The following MMS22L variants were observed in gnomAD, a reference collection of about 807,000 sequenced individuals.
MMS22L encodes the protein MMS22 like, DNA repair protein, also known as protein MMS22-like.
MMS22L carries 74 observed loss-of-function variants against 159.1 expected under a neutral mutation model. The ratio of observed to expected loss-of-function variants is 0.47; its 90% confidence interval spans 0.39 to 0.56. The LOEUF is 0.56. MMS22L is among the 20% of genes least tolerant of loss of function. The pLI, the probability that MMS22L is intolerant of heterozygous loss-of-function variation, is 0.00. For missense variants in MMS22L, 1,351 were observed against 1,422.1 expected (o/e 0.95, Z 0.80); for synonymous variants, 517 against 506.9 (o/e 1.02, Z -0.27).
rs540904562 is a variant in MMS22L at position 97,145,995 on chromosome 6, A to G, written c.*811T>C. On this transcript the variant is annotated 3_prime_UTR_variant, in exon 25 of 25. Transcript: ENST00000683635. ...GAAGCTCTGGCTAAAGAGCAAGAAG[A>G]TGGATCAGCTGACTTCTCAGACCAC... 1 of 152,246 alleles carries G rather than the reference A, an allele frequency of 6.6e-6. No individual in the cohort carries two copies. The highest frequency in any genetic ancestry group is 1.9e-4 in the East Asian group (1 of 5,180). 9.4% of individuals were successfully genotyped at this position (152,246 alleles called of 1,614,324 possible).
At chr6:97,227,844 T>C (rs1008428876) in intron 14 of MMS22L, among the ~76,000 whole-genome samples, 1 of 152,230 alleles carries the variant, frequency 6.6e-6, no homozygotes, top group East Asian at 1.9e-4. Flanking sequence ...AAAACTGCTA[T>C]GTGAAAAGTG....
chr6:97,157,840 A>G (rs1464184657), intron 22 of MMS22L, among the ~76,000 whole-genome samples: 1 of 152,126 alleles, frequency 6.6e-6, no homozygotes, highest in Non-Finnish European at 1.5e-5. Flanking sequence ...TCATAAAATG[A>G]ATTAGGGAGG....
intron 9 of MMS22L, chr6:97,259,123 C>A (rs1205862160): frequency 6.6e-6 from 1 of 152,210 alleles, no homozygotes; most frequent in Non-Finnish European, 1.5e-5. Flanking sequence ...TACACACACA[C>A]ACATTGCCTT....
intron 14 of MMS22L, among the ~76,000 whole-genome samples, chr6:97,228,435 T>C (rs1206719274): frequency 6.6e-6 from 1 of 152,214 alleles, no homozygotes; most frequent in African/African-American, 2.4e-5. Context: ...TCAAAACTTT[T>C]TGAGTGCCAA....
intron 10 of MMS22L, among the ~76,000 whole-genome samples, chr6:97,249,746 T>TTA (rs398002388): frequency 4.0e-5 from 6 of 151,100 alleles, no homozygotes; most frequent in Admixed American, 2.6e-4. Flanking sequence ...TTTTTTTTTT[T>TTA]ACCTAACATG....
In MMS22L at chr6:97,254,663, G is replaced by T. The variant is rs368168206; in HGVS notation, c.1013C>A (p.Ser338Tyr). Reference sequence around the variant, plus strand: ...ATCCCTGGACTGGATTACAGGCATAGAGGATCTTCTTCGGTCACTTGATTT... The same window carrying T: ...ATCCCTGGACTGGATTACAGGCATATAGGATCTTCTTCGGTCACTTGATTT... The part of the protein sequence containing the change: ...LEKSSDRRRS[S>Y]MPVIQSRDPL... Residue 338 changes from serine to tyrosine, a missense_variant, in exon 10 of 25, where the codon TCT becomes TAT. Coordinates refer to ENST00000683635, the MANE Select transcript of MMS22L (RefSeq NM_001350599.2). 3 of 1,612,904 alleles carry T rather than the reference G, an allele frequency of 1.9e-6. No homozygotes were observed. Among genetic ancestry groups the T allele is most frequent in the Non-Finnish European group, 2.5e-6 (3 of 1,179,590 alleles).
At chr6:97,263,708 C>T in intron 8 of MMS22L, 1 of 227,844 alleles carries the variant, frequency 4.4e-6, no homozygotes, top group Non-Finnish European at 8.3e-6. Flanking sequence ...CAAACTTTCT[C>T]TTTTTTTTTT....
intron 24 of MMS22L, 104 bp from the exon 25 acceptor site, chr6:97,146,991 T>G: frequency 1.4e-6 from 1 of 732,300 alleles, no homozygotes; most frequent in Non-Finnish European, 2.2e-6. Context: ...CATCCATCTA[T>G]TCAGCCATCC....
chr6:97,160,291 G>A (rs191991030), intron 22 of MMS22L, among the ~76,000 whole-genome samples: 2 of 152,096 alleles, frequency 1.3e-5, no homozygotes, highest in East Asian at 3.9e-4. Context: ...AGGTGGGTCT[G>A]TTAGCAACAA....
At position 97,270,125 on chromosome 6, in the gene MMS22L, G is replaced by A. The variant is rs1359228893; in HGVS notation, c.607-133C>T. 4.0e-5 allele frequency: 27 copies of A among 676,708 alleles called. No individual in the cohort carries two copies. In the Admixed American group the frequency reaches 6.7e-4, roughly 17 times the overall value. The allele number at this position is 676,708 out of a possible 1,614,324, so 41.9% of individuals were successfully genotyped here. ...AACCTACCACTATTCAAAAGCTCAG[G>A]GAAAACCTCTGTCTTGTTCATTAGA... is the stretch of plus-strand genomic sequence containing the variant. On this transcript the variant is annotated intron_variant, in intron 6 of 24. Coordinates refer to ENST00000683635, the MANE Select transcript of MMS22L (RefSeq NM_001350599.2).
At chr6:97,239,951 C>T (rs1397489511) in intron 11 of MMS22L, among the ~76,000 whole-genome samples, 2 of 152,130 alleles carry the variant, frequency 1.3e-5, no homozygotes, top group Non-Finnish European at 2.9e-5. Flanking sequence ...ATGAAGTGTA[C>T]ACTAATTTTA....
At chr6:97,235,824 G>A (rs957798638) in intron 11 of MMS22L, among the ~76,000 whole-genome samples, 2 of 152,166 alleles carry the variant, frequency 1.3e-5, no homozygotes, top group Admixed American at 6.5e-5. Context: ...TCCAGTGCAC[G>A]AGGGAAGGAA....
intron 8 of MMS22L, chr6:97,265,060 G>C (rs1814941571): frequency 6.6e-6 from 1 of 152,032 alleles, no homozygotes; most frequent in Admixed American, 6.5e-5. Context: ...AAATTGGTAG[G>C]AAATCACAAA....
intron 3 of MMS22L, among the ~76,000 whole-genome samples, chr6:97,279,240 T>C (rs893303596): frequency 1.3e-5 from 2 of 152,140 alleles, no homozygotes; most frequent in African/African-American, 4.8e-5. Flanking sequence ...TCCCAGCACT[T>C]TGGGAGGCCG....
At chr6:97,279,587 C>T (rs1018489407) in intron 3 of MMS22L, among the ~76,000 whole-genome samples, 1 of 151,862 alleles carries the variant, frequency 6.6e-6, no homozygotes, top group Admixed American at 6.6e-5. Context: ...GAATTCAAGA[C>T]CAGCCTGGCC....
chr6:97,190,232 T>A (rs1805727303), intron 14 of MMS22L, among the ~76,000 whole-genome samples: 2 of 152,204 alleles, frequency 1.3e-5, no homozygotes, highest in South Asian at 4.1e-4. Flanking sequence ...GTAATATAGT[T>A]CTAGGTGATG....
chr6:97,279,612 C>G (rs2128102513), intron 3 of MMS22L, among the ~76,000 whole-genome samples: 1 of 151,802 alleles, frequency 6.6e-6, no homozygotes, highest in South Asian at 2.1e-4. Flanking sequence ...TGGTGAGACC[C>G]CATCTCTACT....
intron 19 of MMS22L, 34 bp from the exon 20 acceptor site, chr6:97,168,274 T>C: frequency 6.2e-7 from 1 of 1,601,152 alleles, no homozygotes; most frequent in South Asian, 1.1e-5. Context: ...CATGTTGTTG[T>C]TATCCTCTGA....
chr6:97,269,860 C>A, intron 7 of MMS22L, 42 bp downstream of exon 7: 1 of 1,401,328 alleles, frequency 7.1e-7, no homozygotes. Context: ...GCAATAAAAG[C>A]TGATTTTAAA....
Sources: allele counts gnomAD v4.1 joint callset (sites outside exome capture counted in the v4.1 genomes callset), GRCh38; gene constraint gnomAD v4.1.1; transcripts MANE v1.5; gene names NCBI Gene and HGNC (gene_info 2026-07-23, HGNC 2026-07-21).